NOSTRIN: variants seen among roughly 807,000 people sequenced by gnomAD.
NOSTRIN encodes the protein BM247 homolog.
Under a neutral mutation model 59.0 loss-of-function variants are expected in NOSTRIN, and 63 were observed. That is an observed-to-expected ratio of 1.07 (90% CI 0.87 to 1.32). NOSTRIN has a LOEUF of 1.32. Ranked by LOEUF, NOSTRIN falls within the 40% of genes most tolerant of loss-of-function variation. The pLI is 0.00. For synonymous variants in NOSTRIN, 200 were observed against 165.4 expected, an observed-to-expected ratio of 1.21 and a Z score of -1.61; for missense variants, 512 against 473.1, an observed-to-expected ratio of 1.08 and a Z score of -0.76.
intron 2 of NOSTRIN, among the ~76,000 whole-genome samples, chr2:168,788,937 G>A (rs1685275238): frequency 8.0e-6 from 1 of 125,568 alleles, no homozygotes; most frequent in African/African-American, 3.0e-5. Flanking sequence ...ATAGATAGAT[G>A]ATAGATATTT....
At chr2:168,807,771 A>G (rs1223506985) in intron 1 of NOSTRIN, among the ~76,000 whole-genome samples, 1 of 152,200 alleles carries the variant, frequency 6.6e-6, no homozygotes, top group African/African-American at 2.4e-5. Flanking sequence ...TTCCTGGAAC[A>G]ATTTTGTCCA....
At position 168,847,064 on chromosome 2, in the gene NOSTRIN, G is replaced by A. The variant is rs1290089191; in HGVS notation, c.630+3947G>A. On this transcript the variant is annotated intron_variant, in intron 8 of 15. Transcript: ENST00000317647. The stretch of plus-strand genomic sequence containing the variant: ...CATCCCAAATGTCCAACATTAAAGG[G>A]ATGACTAAGTGAATAAACACGCCTG... Among the ~76,000 whole-genome samples, 4 of 152,188 alleles carry A rather than the reference G, an allele frequency of 2.6e-5. No homozygotes were observed. The South Asian group carries it at 8.3e-4, about 32-fold the overall frequency.
At chr2:168,810,385 C>T (rs1324025117) in intron 1 of NOSTRIN, among the ~76,000 whole-genome samples, 1 of 152,054 alleles carries the variant, frequency 6.6e-6, no homozygotes, top group Non-Finnish European at 1.5e-5. Flanking sequence ...ACCTGGATTA[C>T]CTCATTTCTT....
At chr2:168,860,112 G>A (rs1689349052) in intron 13 of NOSTRIN, among the ~76,000 whole-genome samples, 1 of 152,078 alleles carries the variant, frequency 6.6e-6, no homozygotes, top group Admixed American at 6.5e-5. Flanking sequence ...CTTGTGAAGG[G>A]ACAGTTTTCT....
At chr2:168,864,077 C>T (rs1391556637) in intron 15 of NOSTRIN, among the ~76,000 whole-genome samples, 1 of 151,978 alleles carries the variant, frequency 6.6e-6, no homozygotes, top group South Asian at 2.1e-4. Context: ...AAGTGATTCT[C>T]CTGCCTCAGT....
chr2:168,847,620 A>G (rs959892538), intron 8 of NOSTRIN, among the ~76,000 whole-genome samples: 1 of 152,240 alleles, frequency 6.6e-6, no homozygotes, highest in Non-Finnish European at 1.5e-5. Context: ...ACAAATTGTC[A>G]TGATGCTTGG....
intron 2 of NOSTRIN, among the ~76,000 whole-genome samples, chr2:168,792,424 T>C (rs1019554827): frequency 5.9e-5 from 9 of 152,198 alleles, no homozygotes; most frequent in Non-Finnish European, 1.0e-4. Flanking sequence ...TTTTAGTGTT[T>C]TGTATGTATA....
chr2:168,859,122 G>C, intron 12 of NOSTRIN: 1 of 159,812 alleles, frequency 6.3e-6, no homozygotes, highest in Non-Finnish European at 1.4e-5. Context: ...ATTCAATTCT[G>C]TTCACAATAT....
intron 10 of NOSTRIN, among the ~76,000 whole-genome samples, chr2:168,853,574 A>C (rs1688898640): frequency 6.6e-6 from 1 of 152,228 alleles, no homozygotes; most frequent in Non-Finnish European, 1.5e-5. Flanking sequence ...TGTTTAAACA[A>C]TAGATGTCCC....
At chr2:168,864,153 A>G (rs1472951648) in intron 15 of NOSTRIN, among the ~76,000 whole-genome samples, 1 of 151,954 alleles carries the variant, frequency 6.6e-6, no homozygotes, top group African/African-American at 2.4e-5. Context: ...TTTTTAGTAG[A>G]GACGGGGTTT....
chr2:168,824,562 G>A, intron 2 of NOSTRIN, 72 bp from the exon 3 acceptor site: 1 of 800,006 alleles, frequency 1.2e-6, no homozygotes, highest in Non-Finnish European at 2.2e-6. Context: ...GCCTCCCAAA[G>A]TGCTGGGATT....
chr2:168,797,085 T>C (rs1289225714), upstream of NOSTRIN, among the ~76,000 whole-genome samples: 11 of 94,142 alleles, frequency 1.2e-4, no homozygotes, highest in South Asian at 3.2e-4. Flanking sequence ...TTTTCTTTTT[T>C]TTTTTTTTTT....
intron 6 of NOSTRIN, among the ~76,000 whole-genome samples, chr2:168,833,111 A>G (rs1012506750): frequency 2.6e-5 from 4 of 152,216 alleles, no homozygotes; most frequent in African/African-American, 9.6e-5. Flanking sequence ...TTTTTTAAAT[A>G]AAGAGTGACA....
intron 5 of NOSTRIN, among the ~76,000 whole-genome samples, chr2:168,829,434 C>T (rs1429844729): frequency 6.6e-6 from 1 of 152,098 alleles, no homozygotes; most frequent in Admixed American, 6.6e-5. Context: ...GACTTGCCTG[C>T]CTCAGCCTCT....
At chr2:168,817,400 G>A (rs144780182) in intron 2 of NOSTRIN, among the ~76,000 whole-genome samples, 158 of 152,340 alleles carry the variant, frequency 1.0e-3, no homozygotes, top group African/African-American at 3.6e-3. Flanking sequence ...CTACCTCAGG[G>A]GGTGAGGAGG....
At chr2:168,803,300 T>C (rs937966965) in intron 1 of NOSTRIN, among the ~76,000 whole-genome samples, 4 of 152,152 alleles carry the variant, frequency 2.6e-5, no homozygotes, top group African/African-American at 9.7e-5. Flanking sequence ...ATAGCAGAGA[T>C]GTAATTTAGG....
intron 7 of NOSTRIN, among the ~76,000 whole-genome samples, chr2:168,839,410 T>A (rs1321860174): frequency 6.6e-6 from 1 of 152,102 alleles, no homozygotes; most frequent in Non-Finnish European, 1.5e-5. Context: ...AAGATGGTAA[T>A]GGTCTGTGGG....
intron 3 of NOSTRIN, among the ~76,000 whole-genome samples, chr2:168,826,372 G>A (rs1289078276): frequency 6.6e-6 from 1 of 152,166 alleles, no homozygotes; most frequent in Non-Finnish European, 1.5e-5. Flanking sequence ...CGAAATCTGT[G>A]TTAGGTACTA....
intron 6 of NOSTRIN, among the ~76,000 whole-genome samples, chr2:168,832,317 T>C (rs560646083): frequency 6.6e-6 from 1 of 152,282 alleles, no homozygotes; most frequent in South Asian, 2.1e-4. Context: ...ATGGGATCCA[T>C]ATGCACAGAA....
Sources: allele counts gnomAD v4.1 joint callset (sites outside exome capture counted in the v4.1 genomes callset), GRCh38; gene constraint gnomAD v4.1.1; transcripts MANE v1.5; gene names NCBI Gene and HGNC (gene_info 2026-07-23, HGNC 2026-07-21).